The following PALB2 variants were observed in gnomAD, a reference collection of about 807,000 sequenced individuals.
PALB2 encodes the protein partner and localizer of BRCA2, also known as mutant partner and localizer of BRCA2.
A neutral mutation model predicts 107.4 loss-of-function variants in PALB2; 82 were observed. The observed-to-expected ratio is 0.76, with a 90% CI of 0.64 to 0.92. The LOEUF (loss-of-function observed/expected upper bound fraction) is 0.92, where lower values mean the gene tolerates loss of function less well. PALB2 is among the 40% of genes least tolerant of loss of function. PALB2 has a pLI of 0.00. For synonymous variants in PALB2, 489 were observed against 496.8 expected, an observed-to-expected ratio of 0.98 and a Z score of 0.21; for missense variants, 1,374 against 1,379.9, an observed-to-expected ratio of 1.00 and a Z score of 0.07.
rs561880342 is a variant in PALB2 at position 23,616,202 on chromosome 16, C to G, written c.3114-2111G>C. On this transcript the variant is annotated intron_variant, in intron 10 of 12. Transcript: ENST00000261584. ...CTTAGGGCCTAGTTATATCCCACCC[C>G]CTCCAAGCTGCATGAACTCACTTGA... Among the ~76,000 whole-genome samples, 4 of 152,236 alleles carry G rather than the reference C, an allele frequency of 2.6e-5. No individual in the cohort carries two copies. In the South Asian group the frequency reaches 6.2e-4, roughly 24 times the overall value.
chr16:23,620,404 T>C (rs1966752476), intron 10 of PALB2, among the ~76,000 whole-genome samples: 1 of 152,194 alleles, frequency 6.6e-6, no homozygotes, highest in East Asian at 1.9e-4. Context: ...CAGAAGATCT[T>C]CTATTAGGCT....
chr16:23,625,986 A>C (rs1220104365), intron 7 of PALB2, among the ~76,000 whole-genome samples: 1 of 152,188 alleles, frequency 6.6e-6, no homozygotes, highest in Non-Finnish European at 1.5e-5. Context: ...GTCTCAAACA[A>C]ACAAACAAAA....
intron 10 of PALB2, among the ~76,000 whole-genome samples, chr16:23,616,273 T>C (rs112167343): frequency 5.9e-5 from 9 of 152,180 alleles, no homozygotes; most frequent in African/African-American, 2.2e-4. Flanking sequence ...ATTTTGTCCA[T>C]ATACCTCATT....
At chr16:23,618,187 T>G (rs1038417274) in intron 10 of PALB2, among the ~76,000 whole-genome samples, 2 of 152,018 alleles carry the variant, frequency 1.3e-5, no homozygotes, top group African/African-American at 4.8e-5. Flanking sequence ...CAGTCCCAGC[T>G]ACTCAGGAGG....
At position 23,607,904 on chromosome 16, in the gene PALB2, C is replaced by T. The variant is rs188254555; in HGVS notation, c.3310G>A (p.Gly1104Ser). Residue 1104 changes from glycine (G) to serine (S), a missense_variant, in exon 12 of 13, where the codon GGT becomes AGT. Gly to Ser is a moderately conservative substitution (Grantham distance 56). Coordinates refer to ENST00000261584, the MANE Select transcript of PALB2 (RefSeq NM_024675.4). ...VINPKTTLSV[G>S]VMLYCLPPGQ... ...GGAGGAAGACAGTACAGCATCACAC[C>T]CACGCTGAGAGTCGTCTTAGGGTTA... 1.8e-5 allele frequency: 29 copies of T among 1,613,924 alleles called. No individual in the cohort carries two copies. Among genetic ancestry groups the T allele is most frequent in the Non-Finnish European group, 2.4e-5 (28 of 1,180,022 alleles).
At chr16:23,616,175 T>C (rs188085038) in intron 10 of PALB2, among the ~76,000 whole-genome samples, 187 of 152,200 alleles carry the variant, frequency 1.2e-3, no homozygotes, top group African/African-American at 4.4e-3. Flanking sequence ...TCCCATCCAT[T>C]TCTTAGGGCC....
At chr16:23,619,093 T>A (rs752976252) in intron 10 of PALB2, among the ~76,000 whole-genome samples, 1 of 152,132 alleles carries the variant, frequency 6.6e-6, no homozygotes, top group African/African-American at 2.4e-5. Context: ...GGATGGTACA[T>A]AAGAGCTAGG....
chr16:23,626,094 T>C, intron 7 of PALB2, 142 bp downstream of exon 7: 2 of 983,980 alleles, frequency 2.0e-6, no homozygotes, highest in Non-Finnish European at 3.1e-6. Context: ...TGTTTGAAAC[T>C]TTTCATAATA....
intron 10 of PALB2, among the ~76,000 whole-genome samples, chr16:23,614,474 G>A (rs1966643888): frequency 6.6e-6 from 1 of 152,010 alleles, no homozygotes; most frequent in Non-Finnish European, 1.5e-5. Context: ...ACCAAATTTT[G>A]TAGGGCAAGA....
chr16:23,635,146 C>A lies in PALB2; in HGVS notation c.1400G>T (p.Gly467Val), dbSNP rs730881906. ...ETDQSEIRMS[G>V]TCTGQPSSRT... Reference sequence around the variant, plus strand: ...TGAACTTGGTTGTCCTGTGCATGTGCCAGACATCCTAATTTCACTTTGGTC... The same window carrying A: ...TGAACTTGGTTGTCCTGTGCATGTGACAGACATCCTAATTTCACTTTGGTC... Residue 467 changes from glycine to valine, a missense_variant, in exon 4 of 13, where the codon GGC (glycine) becomes GTC (valine). Gly to Val is a moderately radical substitution (Grantham distance 109). Coordinates refer to ENST00000261584, the MANE Select transcript of PALB2 (RefSeq NM_024675.4). The A allele has an allele frequency of 6.2e-7, 1 of 1,614,168 alleles. No individual in the cohort carries two copies. Among genetic ancestry groups the A allele is most frequent in the Non-Finnish European group, 8.5e-7 (1 of 1,180,036 alleles).
intron 6 of PALB2, among the ~76,000 whole-genome samples, chr16:23,628,568 G>A (rs1966851570): frequency 6.6e-6 from 1 of 152,138 alleles, no homozygotes; most frequent in African/African-American, 2.4e-5. Flanking sequence ...GATTCTTCCA[G>A]AAACATTACA....
rs587776410 is a variant in PALB2, at chr16:23,635,504, GTTCTT to G, written c.1037_1041del (p.Lys346ThrfsTer13). 5.0e-6 allele frequency: 8 copies of G among 1,613,850 alleles called. No individual in the cohort carries two copies. The highest frequency in any genetic ancestry group is 1.3e-5 in the African/African-American group (1 of 74,972). On this transcript the variant is annotated frameshift_variant, in exon 4 of 13. Coordinates refer to ENST00000261584, the MANE Select transcript of PALB2 (RefSeq NM_024675.4). LOFTEE classifies it high-confidence loss of function. ...TTTAAAGATTTCTCTGTTTGATTTT[GTTCTT>G]TTAAGTTTTGGTTTTCATTTGCTGG...
chr16:23,607,660 C>T (rs1288385879), intron 12 of PALB2, among the ~76,000 whole-genome samples: 1 of 152,100 alleles, frequency 6.6e-6, no homozygotes, highest in African/African-American at 2.4e-5. Flanking sequence ...TATATAACCC[C>T]ATACTAGTAG....
At position 23,623,115 on chromosome 16, in the gene PALB2, G is replaced by A. The variant is rs876660352; in HGVS notation, c.2850C>T (p.Ser950=). Residue 950 remains serine, a synonymous_variant, in exon 9 of 13, where the codon TCC becomes TCT. Coordinates refer to ENST00000261584, the MANE Select transcript of PALB2 (RefSeq NM_024675.4). ...CTTGCTTTTCACTTTCATCATCAGAGGAACAAAACAATGCCCTAAGCCAAA... is the reference window on the plus strand; with the variant it reads ...CTTGCTTTTCACTTTCATCATCAGAAGAACAAAACAATGCCCTAAGCCAAA... ...EIREIRALFC[S]SDDESEKQVL... is the part of the protein sequence containing the mutation. 1.2e-6 allele frequency: 2 copies of A among 1,613,554 alleles called. No homozygotes were observed. Among genetic ancestry groups the A allele is most frequent in the Non-Finnish European group, 1.7e-6 (2 of 1,179,832 alleles).
chr16:23,626,717 G>A (rs1186932837), intron 6 of PALB2, among the ~76,000 whole-genome samples: 5 of 152,034 alleles, frequency 3.3e-5, no homozygotes, highest in Non-Finnish European at 5.9e-5. Flanking sequence ...CGCCTCCCGG[G>A]TTCAAGCGAT....
At chr16:23,607,793 A>G in intron 12 of PALB2, 71 bp downstream of exon 12, 1 of 1,521,454 alleles carries the variant, frequency 6.6e-7, no homozygotes, top group Non-Finnish European at 9.1e-7. Context: ...ACACAAAAAT[A>G]TCTAGTTTTT....
In PALB2 at chr16:23,603,417, G is replaced by T. The variant is rs2142250143; in HGVS notation, c.*42C>A. On this transcript the variant is annotated 3_prime_UTR_variant, in exon 13 of 13. Coordinates refer to ENST00000261584, the MANE Select transcript of PALB2 (RefSeq NM_024675.4). ...TTAAAACTCCAAAAAATACTAAGAGGCCCAATATATCCAGAAAATTGTGTT... is the reference window on the plus strand; with the variant it reads ...TTAAAACTCCAAAAAATACTAAGAGTCCCAATATATCCAGAAAATTGTGTT... 1 of 1,497,012 alleles carries T rather than the reference G, an allele frequency of 6.7e-7. No individual in the cohort carries two copies. Among genetic ancestry groups the T allele is most frequent in the Non-Finnish European group, 9.3e-7 (1 of 1,074,262 alleles). 92.7% of individuals were successfully genotyped at this position (1,497,012 alleles called of 1,614,324 possible).
rs184079846 is a variant in PALB2, at chr16:23,606,425, G to A, written c.3350+1439C>T. Among the ~76,000 whole-genome samples the A allele has an allele frequency of 2.6e-5, 4 of 152,234 alleles. No individual in the cohort carries two copies. In the East Asian group the frequency reaches 7.7e-4, roughly 29 times the overall value. On this transcript the variant is annotated intron_variant, in intron 12 of 12. Coordinates refer to ENST00000261584, the MANE Select transcript of PALB2 (RefSeq NM_024675.4). ...GCAGAAGTGTCACAGCTAGCTAAGTGCATAGGGATAGAGAATGTCTTTTAG... is the reference window on the plus strand; with the variant it reads ...GCAGAAGTGTCACAGCTAGCTAAGTACATAGGGATAGAGAATGTCTTTTAG...
intron 10 of PALB2, among the ~76,000 whole-genome samples, chr16:23,617,003 G>A (rs746423159): frequency 4.6e-5 from 7 of 151,912 alleles, no homozygotes; most frequent in South Asian, 2.1e-4. Context: ...TAGTAGAGAC[G>A]GGGTTTTACC....
Sources: gnomAD v4.1 joint callset for allele counts (sites outside exome capture counted in the v4.1 genomes callset) on GRCh38, gnomAD v4.1.1 for gene constraint, MANE v1.5 for transcripts, NCBI Gene and HGNC (gene_info 2026-07-23, HGNC 2026-07-21) for gene names.